GABARAPL2: variants seen among roughly 807,000 people sequenced by gnomAD.
The protein encoded by GABARAPL2 is gamma-aminobutyric acid receptor-associated protein-like 2.
A neutral mutation model predicts 16.9 loss-of-function variants in GABARAPL2; 11 were observed. That is an observed-to-expected ratio of 0.65 (90% confidence interval 0.41 to 1.08). GABARAPL2 has a LOEUF of 1.08. Among genes scored for constraint, GABARAPL2 ranks in the 50% least tolerant of loss-of-function variants. The pLI is 0.00. For synonymous variants in GABARAPL2, 57 were observed against 50.7 expected (o/e 1.12, Z -0.53); for missense variants, 134 against 142.5 (o/e 0.94, Z 0.30).
intron 2 of GABARAPL2, 55 bp from the exon 3 acceptor site, chr16:75,567,982 G>A: frequency 7.0e-7 from 1 of 1,425,204 alleles, no homozygotes; most frequent in Non-Finnish European, 9.7e-7. Flanking sequence ...TCAGCCATGT[G>A]AGGCCAGAGC....
intron 3 of GABARAPL2, among the ~76,000 whole-genome samples, chr16:75,571,586 C>A (rs967981113): frequency 6.6e-6 from 1 of 152,140 alleles, no homozygotes; most frequent in Admixed American, 6.5e-5. Flanking sequence ...AATGACTTCT[C>A]ACCCCACACT....
Position 75,577,573 on chromosome 16 carries a change from G to T in GABARAPL2, c.*204G>T. The T allele has an allele frequency of 2.0e-6, 1 of 505,402 alleles. No homozygotes were observed. The highest frequency in any genetic ancestry group is 2.7e-5 in the South Asian group (1 of 36,878). 31.3% of individuals were successfully genotyped at this position (505,402 alleles called of 1,614,324 possible). ...TTTTATTTTGAGTTTTTCTTTTTGT[G>T]CATTGTCCTCATGCCTGTATTCTCC... On this transcript the variant is annotated 3_prime_UTR_variant, in exon 4 of 4. Coordinates refer to ENST00000037243, the MANE Select transcript of GABARAPL2 (RefSeq NM_007285.7).
Position 75,566,521 on chromosome 16 carries a change from G to A in GABARAPL2, c.34+1G>A. The A allele has an allele frequency of 6.2e-7, 1 of 1,608,126 alleles. No individual in the cohort carries two copies. Among genetic ancestry groups the A allele is most frequent in the Non-Finnish European group, 8.5e-7 (1 of 1,178,220 alleles). On this transcript the variant is annotated splice_donor_variant, in intron 1 of 3. Coordinates refer to ENST00000037243, the MANE Select transcript of GABARAPL2 (RefSeq NM_007285.7). LOFTEE classifies it high-confidence loss of function. ...ATGTTCAAGGAGGACCACTCGCTGGGTAAGCACTTGGTCGTCGGCCCGGCT... is the reference window on the plus strand; with the variant it reads ...ATGTTCAAGGAGGACCACTCGCTGGATAAGCACTTGGTCGTCGGCCCGGCT...
intron 1 of GABARAPL2, 121 bp downstream of exon 1, chr16:75,566,641 GC>G: frequency 8.5e-7 from 1 of 1,176,060 alleles, no homozygotes; most frequent in Non-Finnish European, 1.2e-6. Context: ...GGCTGGAGTC[GC>G]CCATGCCCTG....
intron 3 of GABARAPL2, among the ~76,000 whole-genome samples, chr16:75,574,176 G>A (rs1050760191): frequency 6.6e-6 from 1 of 152,182 alleles, no homozygotes; most frequent in African/African-American, 2.4e-5. Flanking sequence ...CGGTCCAGTG[G>A]TTATTGTTCA....
intron 1 of GABARAPL2, 142 bp downstream of exon 1, chr16:75,566,662 G>T (rs2080884897): frequency 9.6e-7 from 1 of 1,036,688 alleles, no homozygotes; most frequent in East Asian, 2.6e-5. Flanking sequence ...GGTGCCTCGG[G>T]CAGCGGCCCC....
chr16:75,572,311 C>T (rs1234881916), intron 3 of GABARAPL2: 2 of 152,324 alleles, frequency 1.3e-5, no homozygotes, highest in East Asian at 3.8e-4. Flanking sequence ...ACCACCCATC[C>T]TGCCCTGCTG....
At chr16:75,576,272 C>T (rs140937673) in intron 3 of GABARAPL2, 23 of 152,310 alleles carry the variant, frequency 1.5e-4, no homozygotes, top group African/African-American at 5.5e-4. Flanking sequence ...AACTCAAAAC[C>T]TCCCCCTTCA....
chr16:75,569,513 C>T lies in GABARAPL2; in HGVS notation c.263+1304C>T, dbSNP rs898972383. On this transcript the variant is annotated intron_variant, in intron 3 of 3. Coordinates refer to ENST00000037243, the MANE Select transcript of GABARAPL2 (RefSeq NM_007285.7). ...CGTGGTTACCCTGGGCTTTCCTTAA[C>T]GTGTTTGGGGAGGTAATCTTCTTTC... 1.4e-4 allele frequency among the ~76,000 whole-genome samples: 22 copies of T among 152,328 alleles called. 1 individual carries two copies. Among genetic ancestry groups the T allele is most frequent in the Non-Finnish European group, 2.6e-4 (18 of 68,024 alleles).
At chr16:75,574,114 TG>T (rs1211964927) in intron 3 of GABARAPL2, among the ~76,000 whole-genome samples, 1 of 152,202 alleles carries the variant, frequency 6.6e-6, no homozygotes, top group African/African-American at 2.4e-5. Flanking sequence ...GTGGGCCTCC[TG>T]TCCTGCCAAG....
intron 3 of GABARAPL2, among the ~76,000 whole-genome samples, chr16:75,574,666 C>G (rs1361821535): frequency 6.6e-6 from 1 of 152,116 alleles, no homozygotes; most frequent in Non-Finnish European, 1.5e-5. Flanking sequence ...CACTCTACTT[C>G]CTAATCACAT....
At chr16:75,570,993 T>C (rs536528285) in intron 3 of GABARAPL2, among the ~76,000 whole-genome samples, 99 of 152,370 alleles carry the variant, frequency 6.5e-4, no homozygotes, top group African/African-American at 2.2e-3. Flanking sequence ...TGGTCTTTGT[T>C]TGTTTAGAAC....
intron 3 of GABARAPL2, among the ~76,000 whole-genome samples, chr16:75,570,428 T>C (rs988232000): frequency 6.6e-6 from 1 of 152,186 alleles, no homozygotes; most frequent in Non-Finnish European, 1.5e-5. Flanking sequence ...AGCAGCCTCT[T>C]CCTCAGGTCT....
intron 3 of GABARAPL2, among the ~76,000 whole-genome samples, chr16:75,568,906 G>A (rs956469990): frequency 3.3e-5 from 5 of 152,154 alleles, no homozygotes; most frequent in South Asian, 2.1e-4. Flanking sequence ...GATGGGCTCC[G>A]TCTAACCTCC....
chr16:75,577,523 T>A lies in GABARAPL2; in HGVS notation c.*154T>A. The stretch of plus-strand genomic sequence containing the variant: ...AATATATTGGAAGGTTTTGTTTCCT[T>A]AGACTAGTAAATTATCATACAGAGT... On this transcript the variant is annotated 3_prime_UTR_variant, in exon 4 of 4. Coordinates refer to ENST00000037243, the MANE Select transcript of GABARAPL2 (RefSeq NM_007285.7). The A allele has an allele frequency of 1.7e-6, 1 of 585,514 alleles. No homozygotes were observed. Among genetic ancestry groups the A allele is most frequent in the Non-Finnish European group, 3.1e-6 (1 of 326,176 alleles). 36.3% of individuals were successfully genotyped at this position (585,514 alleles called of 1,614,324 possible). A position where few individuals can be genotyped will look rare whatever the true frequency, so the allele number is the denominator to read the frequency against.
chr16:75,567,163 A>T (rs1032392235), intron 2 of GABARAPL2, among the ~76,000 whole-genome samples: 4 of 152,192 alleles, frequency 2.6e-5, no homozygotes, highest in African/African-American at 9.6e-5. Flanking sequence ...CTGGCCAATT[A>T]TGTAAGGAAC....
intron 3 of GABARAPL2, among the ~76,000 whole-genome samples, chr16:75,570,259 C>T (rs752281325): frequency 2.0e-5 from 3 of 152,124 alleles, no homozygotes; most frequent in Non-Finnish European, 2.9e-5. Context: ...TGTCACCACA[C>T]CGGGCTAAAA....
intron 3 of GABARAPL2, chr16:75,576,468 C>T (rs1567446691): frequency 6.6e-6 from 1 of 152,202 alleles, no homozygotes; most frequent in Non-Finnish European, 1.5e-5. Context: ...GGCTAGTGAC[C>T]TCAGATGTCT....
chr16:75,573,315 A>T (rs1324664085), intron 3 of GABARAPL2, among the ~76,000 whole-genome samples: 1 of 152,200 alleles, frequency 6.6e-6, no homozygotes, highest in Non-Finnish European at 1.5e-5. Context: ...TTTTGGCTGC[A>T]GGCCAAATTA....
Sources: allele counts gnomAD v4.1 joint callset (sites outside exome capture counted in the v4.1 genomes callset), GRCh38; gene constraint gnomAD v4.1.1; transcripts MANE v1.5; gene names NCBI Gene and HGNC (gene_info 2026-07-23, HGNC 2026-07-21).